The following ZNF700 variants were observed in gnomAD, a reference collection of about 807,000 sequenced individuals.
ZNF700 encodes the protein zinc finger protein 700.
Under a neutral mutation model 65.3 loss-of-function variants are expected in ZNF700, and 38 were observed. The observed-to-expected ratio is 0.58, with a 90% confidence interval of 0.45 to 0.76. The LOEUF is 0.76. Among genes scored for constraint, ZNF700 ranks in the 30% least tolerant of loss-of-function variants. The pLI is 0.00. For missense variants in ZNF700, 857 were observed against 888.4 expected (o/e 0.96, Z 0.45); for synonymous variants, 285 against 290.4 (o/e 0.98, Z 0.19).
At chr19:11,947,901 A>G (rs578081298) in intron 3 of ZNF700, among the ~76,000 whole-genome samples, 4 of 152,172 alleles carry the variant, frequency 2.6e-5, no homozygotes, top group Non-Finnish European at 4.4e-5. Context: ...CCAGCTACTC[A>G]GGAGGCGAAG....
rs948011485 is a variant in ZNF700 at position 11,948,899 on chromosome 19, C to G, written c.875C>G (p.Ser292Cys). 1.2e-6 allele frequency: 2 copies of G among 1,603,888 alleles called. No individual in the cohort carries two copies. Among genetic ancestry groups the G allele is most frequent in the Non-Finnish European group, 8.5e-7 (1 of 1,177,818 alleles). ...KCDKAFHSSS[S>C]YHRHERSHMG... ...GATAAAGCATTTCATAGTTCTAGTT[C>G]CTATCATAGACATGAAAGAAGTCAC... Residue 292 changes from serine to cysteine, a missense_variant, in exon 4 of 4, where the codon TCC (serine) becomes TGC (cysteine). Coordinates refer to ENST00000254321, the MANE Select transcript of ZNF700 (RefSeq NM_144566.3).
intron 1 of ZNF700, among the ~76,000 whole-genome samples, 185 bp downstream of exon 1, chr19:11,925,458 C>T (rs755648176): frequency 2.6e-5 from 4 of 152,198 alleles, no homozygotes; most frequent in African/African-American, 4.8e-5. Flanking sequence ...AGCCAGGACC[C>T]GGGCGTCCTG....
chr19:11,928,731 C>CAA (rs779525520), intron 1 of ZNF700, among the ~76,000 whole-genome samples: 8 of 53,388 alleles, frequency 1.5e-4, no homozygotes, highest in African/African-American at 2.0e-4. Context: ...GACTCCGTCT[C>CAA]AAAAAAAAAA....
Position 11,948,564 on chromosome 19 carries a change from C to T in ZNF700, c.540C>T (p.Ser180=). ...AGAAAGCCTTCAGGTATCGCCCATC[C>T]ATTAGAACACAAGAAAGGGATCACA... is the stretch of plus-strand genomic sequence containing the variant. ...KNKKAFRYRP[S]IRTQERDHTG... The change falls in exon 4 of 4, where the codon TCC becomes TCT. Residue 180 remains serine (S), a synonymous_variant. Coordinates refer to ENST00000254321, the MANE Select transcript of ZNF700 (RefSeq NM_144566.3). 2 of 1,607,524 alleles carry T rather than the reference C, an allele frequency of 1.2e-6. No homozygotes were observed. The highest frequency in any genetic ancestry group is 2.2e-5 in the East Asian group (1 of 44,856).
chr19:11,948,117 C>A (rs541973353), intron 3 of ZNF700, among the ~76,000 whole-genome samples, 159 bp from the exon 4 acceptor site: 3 of 152,250 alleles, frequency 2.0e-5, no homozygotes, highest in African/African-American at 7.2e-5. Context: ...ATGGCTGGGT[C>A]ATCTTGTAGA....
chr19:11,931,146 A>C (rs564589646), intron 1 of ZNF700, among the ~76,000 whole-genome samples: 2 of 148,252 alleles, frequency 1.3e-5, no homozygotes, highest in Non-Finnish European at 2.9e-5. Context: ...GTGCCTCTCT[A>C]TCTTAGTCAT....
chr19:11,947,002 A>G (rs1972969938), intron 1 of ZNF700, 179 bp from the exon 2 acceptor site: 1 of 1,135,030 alleles, frequency 8.8e-7, no homozygotes, highest in African/African-American at 1.6e-5. Context: ...AAATAAATAA[A>G]TAAATAAATT....
rs548816486 is a variant in ZNF700 at position 11,929,696 on chromosome 19, T to C, written c.63+4423T>C. Among the ~76,000 whole-genome samples the C allele has an allele frequency of 1.3e-4, 19 of 148,232 alleles. 2 individuals are homozygous for C. The highest frequency in any genetic ancestry group is 1.2e-3 in the Admixed American group (18 of 15,104). ...ATTTTTCCACACTTTCCAGGGCAAC[T>C]GGTTCCCCCTTATATTTTCCAAATA... On this transcript the variant is annotated intron_variant, in intron 1 of 3. Coordinates refer to ENST00000254321, the MANE Select transcript of ZNF700 (RefSeq NM_144566.3).
Position 11,949,750 on chromosome 19 carries a change from G to T in ZNF700, c.1726G>T (p.Ala576Ser), listed in dbSNP as rs1476268499. The T allele has an allele frequency of 6.2e-7, 1 of 1,611,744 alleles. No homozygotes were observed. The highest frequency in any genetic ancestry group is 2.2e-5 in the East Asian group (1 of 44,670). The change falls in exon 4 of 4, where the codon GCC (alanine) becomes TCC (serine). Residue 576 changes from alanine to serine, a missense_variant. Around this residue, in one of 3 missense-constraint regions of ZNF700, gnomAD observed 251 missense variants for 250.3 expected, o/e 1.00. Coordinates refer to ENST00000254321, the MANE Select transcript of ZNF700 (RefSeq NM_144566.3). ...CKQCGKAFRS[A>S]SHLRMHERTH... ...GCAATGTGGGAAAGCCTTCAGATCT[G>T]CCTCACACCTTCGAATGCATGAAAG...
At chr19:11,946,544 A>G (rs1972962304) in intron 1 of ZNF700, among the ~76,000 whole-genome samples, 1 of 152,096 alleles carries the variant, frequency 6.6e-6, no homozygotes, top group African/African-American at 2.4e-5. Flanking sequence ...ACCAGCTGTA[A>G]CTAAGTGTCT....
chr19:11,947,976 C>T (rs991047019), intron 3 of ZNF700, among the ~76,000 whole-genome samples: 4 of 152,176 alleles, frequency 2.6e-5, no homozygotes, highest in African/African-American at 9.7e-5. Flanking sequence ...TATCACTGTA[C>T]TCCAGCATGG....
chr19:11,950,311 A>T lies in ZNF700; in HGVS notation c.*58A>T. On this transcript the variant is annotated 3_prime_UTR_variant, in exon 4 of 4. Transcript: ENST00000254321. The stretch of plus-strand genomic sequence containing the variant: ...CACTGGAAGGAAGCACTATGAATGC[A>T]AGCAATGTGGCAAAACTTTCACATT... The T allele has an allele frequency of 6.5e-7, 1 of 1,543,926 alleles. No individual in the cohort carries two copies. The highest frequency in any genetic ancestry group is 8.8e-7 in the Non-Finnish European group (1 of 1,137,304).
chr19:11,936,261 A>G (rs1190846961), intron 1 of ZNF700, among the ~76,000 whole-genome samples: 1 of 152,190 alleles, frequency 6.6e-6, no homozygotes, highest in Non-Finnish European at 1.5e-5. Context: ...AGGAATCGCC[A>G]CACTGTCTTC....
chr19:11,948,474 A>G lies in ZNF700; in HGVS notation c.450A>G (p.Gly150=), dbSNP rs1333341068. 1.2e-6 allele frequency: 2 copies of G among 1,614,158 alleles called. No homozygotes were observed. The highest frequency in any genetic ancestry group is 4.5e-5 in the East Asian group (2 of 44,864). Residue 150 remains glycine, a synonymous_variant, in exon 4 of 4, where the codon GGA becomes GGG. Coordinates refer to ENST00000254321, the MANE Select transcript of ZNF700 (RefSeq NM_144566.3). ...SFNMSIRGDT[G]HKAYEYQEYG... is the part of the protein sequence containing the mutation. ...ATATGAGCATCAGAGGTGACACTGGACACAAGGCATATGAGTATCAGGAAT... is the reference window on the plus strand; with the variant it reads ...ATATGAGCATCAGAGGTGACACTGGGCACAAGGCATATGAGTATCAGGAAT...
chr19:11,942,637 A>G (rs1202119900), intron 1 of ZNF700, among the ~76,000 whole-genome samples: 4 of 152,236 alleles, frequency 2.6e-5, no homozygotes, highest in African/African-American at 7.2e-5. Flanking sequence ...ATCGTGATCA[A>G]TTAAACAAGG....
At chr19:11,931,222 G>C (rs530394611) in intron 1 of ZNF700, among the ~76,000 whole-genome samples, 2 of 148,034 alleles carry the variant, frequency 1.4e-5, no homozygotes, top group Non-Finnish European at 2.9e-5. Flanking sequence ...ATTTCTGGCA[G>C]TTCTTGAGGT....
chr19:11,949,345 A>G lies in ZNF700; in HGVS notation c.1321A>G (p.Thr441Ala), dbSNP rs1314639920. 1.2e-6 allele frequency: 2 copies of G among 1,613,896 alleles called. No homozygotes were observed. The highest frequency in any genetic ancestry group is 1.3e-5 in the African/African-American group (1 of 74,966). ...GCTTCGAGTGCACGGTGGGACTCAC[A>G]CTGGAGAGAAACCCTATGAATGTAA... ...SQLRVHGGTH[T>A]GEKPYECKEC... The change falls in exon 4 of 4, where the codon ACT (threonine) becomes GCT (alanine). Residue 441 changes from threonine to alanine, a missense_variant. Physicochemically the swap from Thr to Ala is moderately conservative, Grantham distance 58. Transcript: ENST00000254321.
In ZNF700 at chr19:11,948,799, TTTAC is replaced by T; in HGVS notation, c.779_782del (p.Thr260IlefsTer87). The T allele has an allele frequency of 6.2e-7, 1 of 1,610,042 alleles. No individual in the cohort carries two copies. Among genetic ancestry groups the T allele is most frequent in the African/African-American group, 1.3e-5 (1 of 74,674 alleles). Reference sequence around the variant, plus strand: ...TGAATGTAAACAATGTGGTAAATCCTTTACTTATTCTGCTACCCTTCAAATACAT... The same window carrying T: ...TGAATGTAAACAATGTGGTAAATCCTTTATTCTGCTACCCTTCAAATACAT... On this transcript the variant is annotated frameshift_variant, in exon 4 of 4. Transcript: ENST00000254321. LOFTEE classifies it high-confidence loss of function.
rs1291970536 is a variant in ZNF700 at position 11,948,607 on chromosome 19, G to A, written c.583G>A (p.Ala195Thr). ...ERDHTGEKPY[A>T]CKVCGKTFIF... ...GGATCACACTGGAGAGAAACCCTAT[G>A]CTTGTAAAGTCTGTGGAAAAACCTT... Residue 195 changes from alanine (A) to threonine (T), a missense_variant, in exon 4 of 4, where the codon GCT becomes ACT. Around this residue, in one of 3 missense-constraint regions of ZNF700, gnomAD observed 603 missense variants for 619.9 expected, o/e 0.97. Coordinates refer to ENST00000254321, the MANE Select transcript of ZNF700 (RefSeq NM_144566.3). 6.2e-7 allele frequency: 1 copy of A among 1,610,410 alleles called. No homozygotes were observed.
Sources: gnomAD v4.1 joint callset for allele counts (sites outside exome capture counted in the v4.1 genomes callset) on GRCh38, gnomAD v4.1.1 for gene constraint, gnomAD v4.1.1 regional missense constraint, MANE v1.5 for transcripts, NCBI Gene and HGNC (gene_info 2026-07-23, HGNC 2026-07-21) for gene names.